SERF2: variants seen among roughly 807,000 people sequenced by gnomAD.
SERF2 encodes the protein small EDRK-rich factor 2.
Under a neutral mutation model 10.7 loss-of-function variants are expected in SERF2, and 4 were observed. The ratio of observed to expected loss-of-function variants is 0.37; its 90% CI spans 0.18 to 0.86. The LOEUF is 0.86. SERF2 is among the 40% of genes least tolerant of loss of function. SERF2 has a pLI of 0.43. For synonymous variants in SERF2, 26 were observed against 26.0 expected (o/e 1.00, Z 0.01); for missense variants, 47 against 79.1 (o/e 0.59, Z 1.54).
intron 2 of SERF2, chr15:43,785,549 T>G (rs984495644): frequency 1.5e-4 from 23 of 151,968 alleles, no homozygotes; most frequent in African/African-American, 5.6e-4. Flanking sequence ...GTACCACCAC[T>G]CCTGGCTGTT....
chr15:43,790,388 G>C (rs181623306), upstream of SERF2, among the ~76,000 whole-genome samples: 25 of 152,270 alleles, frequency 1.6e-4, no homozygotes, highest in East Asian at 4.1e-3. Context: ...GGCAGACAGG[G>C]AGAGGGAGAG....
At chr15:43,790,484 C>T (rs1244121624), upstream of SERF2, among the ~76,000 whole-genome samples, 1 of 152,102 alleles carries the variant, frequency 6.6e-6, no homozygotes, top group Non-Finnish European at 1.5e-5. Flanking sequence ...CCAATTGTGG[C>T]TGTGCACCGT....
At chr15:43,782,753 C>T (rs1194605004) in intron 1 of SERF2, among the ~76,000 whole-genome samples, 4 of 152,116 alleles carry the variant, frequency 2.6e-5, no homozygotes, top group African/African-American at 9.7e-5. Flanking sequence ...TGGTGCAAAG[C>T]CTCAAAGGAT....
At chr15:43,792,649 G>GCCCCCACTCCACAAGCCAGCCCAT in intron 1 of SERF2, 1 of 1,382,182 alleles carries the variant, frequency 7.2e-7, no homozygotes, top group Non-Finnish European at 9.5e-7. Flanking sequence ...TAGGCCCAGA[G>GCCCCCACTCCACAAGCCAGCCCAT]CCCCCACTCC....
intron 1 of SERF2, among the ~76,000 whole-genome samples, chr15:43,779,000 T>C (rs2086945210): frequency 6.6e-6 from 1 of 152,198 alleles, no homozygotes. Context: ...AGAAATAGCA[T>C]GTTCCATGTT....
In SERF2 at chr15:43,795,159, G is replaced by T. The variant is rs2087177228; in HGVS notation, c.*1386G>T. On this transcript the variant is annotated 3_prime_UTR_variant, in exon 3 of 3. Coordinates refer to ENST00000249786, the MANE Select transcript of SERF2 (RefSeq NM_001018108.4). ...CCCAGCATGAGGCAACCTTGACCCA[G>T]AAGGTGGCCCAGCTACCCTTGATGA... The T allele has an allele frequency of 1.2e-6, 2 of 1,614,164 alleles. No homozygotes were observed. The highest frequency in any genetic ancestry group is 4.5e-5 in the East Asian group (2 of 44,886).
chr15:43,793,866 G>T lies in SERF2; in HGVS notation c.*93G>T. ...GCGTTTCCTCCTGTAGTGCTCACAG[G>T]TCCCAGCACCGATGGCATTCCCTTT... On this transcript the variant is annotated 3_prime_UTR_variant, in exon 3 of 3. Transcript: ENST00000249786. 6.2e-7 allele frequency: 1 copy of T among 1,612,158 alleles called. No individual in the cohort carries two copies. Among genetic ancestry groups the T allele is most frequent in the Middle Eastern group, 1.6e-4 (1 of 6,062 alleles).
intron 2 of SERF2, among the ~76,000 whole-genome samples, chr15:43,785,957 C>T (rs1255292454): frequency 6.6e-6 from 1 of 151,734 alleles, no homozygotes; most frequent in Non-Finnish European, 1.5e-5. Flanking sequence ...CTGCCCGTCT[C>T]GGCCTCCCAA....
In SERF2 at chr15:43,795,143, A is replaced by G; in HGVS notation, c.*1370A>G. The G allele has an allele frequency of 6.2e-7, 1 of 1,614,152 alleles. No individual in the cohort carries two copies. Among genetic ancestry groups the G allele is most frequent in the South Asian group, 1.1e-5 (1 of 91,090 alleles). On this transcript the variant is annotated 3_prime_UTR_variant, in exon 3 of 3. Coordinates refer to ENST00000249786, the MANE Select transcript of SERF2 (RefSeq NM_001018108.4). ...TAGAGGAGTACGCAGGCCCAGCATG[A>G]GGCAACCTTGACCCAGAAGGTGGCC...
intron 1 of SERF2, among the ~76,000 whole-genome samples, chr15:43,780,663 C>G (rs1249290112): frequency 6.6e-6 from 1 of 152,132 alleles, no homozygotes; most frequent in African/African-American, 2.4e-5. Context: ...GTAGTCTACC[C>G]TTATCTTCAG....
At chr15:43,789,147 TA>T (rs59711546), upstream of SERF2, among the ~76,000 whole-genome samples, 21,493 of 127,410 alleles carry the variant, frequency 0.17, 1,899 homozygotes, top group East Asian at 0.28. Flanking sequence ...AGACTCTGTC[TA>T]AAAAAAAAAA....
At chr15:43,777,186 A>C (rs1253670276) in exon 1 of SERF2, 3 of 610,476 alleles carry the variant, frequency 4.9e-6, no homozygotes, top group Non-Finnish European at 9.4e-6. Context: ...AGTTCTCGGG[A>C]GAAAGAGTCC....
intron 1 of SERF2, among the ~76,000 whole-genome samples, chr15:43,784,530 G>A (rs1023903776): frequency 4.6e-5 from 7 of 151,432 alleles, no homozygotes; most frequent in Non-Finnish European, 8.8e-5. Flanking sequence ...GTGCAGTGGC[G>A]CGATCTCGGC....
At chr15:43,789,810 C>A (rs2087037697), upstream of SERF2, among the ~76,000 whole-genome samples, 1 of 151,804 alleles carries the variant, frequency 6.6e-6, no homozygotes, top group Non-Finnish European at 1.5e-5. Flanking sequence ...GAGTTCGAGA[C>A]CAGCCTGGCC....
upstream of SERF2, among the ~76,000 whole-genome samples, chr15:43,790,013 G>A (rs1184713696): frequency 2.0e-5 from 3 of 151,996 alleles, no homozygotes; most frequent in African/African-American, 7.3e-5. Context: ...GTGGTGGCAC[G>A]CACCTGTAGG....
intron 1 of SERF2, among the ~76,000 whole-genome samples, chr15:43,778,430 A>T (rs2086938896): frequency 6.6e-6 from 1 of 151,434 alleles, no homozygotes; most frequent in African/African-American, 2.4e-5. Flanking sequence ...AGTCCCAGCT[A>T]CTCAGGAGGC....
chr15:43,795,735 T>G lies in SERF2; in HGVS notation c.*1962T>G, dbSNP rs372519705. 1.9e-6 allele frequency: 3 copies of G among 1,613,950 alleles called. No individual in the cohort carries two copies. The highest frequency in any genetic ancestry group is 1.3e-5 in the African/African-American group (1 of 75,054). ...AGGGCAGCAGAAACACAGTGAGGGCTTCTGCAAAACAGAACGCAGGTTTTG... is the reference window on the plus strand; with the variant it reads ...AGGGCAGCAGAAACACAGTGAGGGCGTCTGCAAAACAGAACGCAGGTTTTG... On this transcript the variant is annotated 3_prime_UTR_variant, in exon 3 of 3. Transcript: ENST00000249786.
Position 43,777,306 on chromosome 15 carries a change from T to C in SERF2, c.-723T>C, listed in dbSNP as rs2086928236. ...AAGTGAAAGCTGAACCTGCAACCCCTTGAGGGTTTCAGCCGCAGAGGGGCG... is the reference window on the plus strand; with the variant it reads ...AAGTGAAAGCTGAACCTGCAACCCCCTGAGGGTTTCAGCCGCAGAGGGGCG... On this transcript the variant is annotated 5_prime_UTR_variant, in exon 1 of 5. Coordinates refer to the SERF2 transcript ENST00000381359. The C allele has an allele frequency of 1.1e-5, 4 of 364,588 alleles. No individual in the cohort carries two copies. In the Admixed American group the frequency reaches 1.4e-4, roughly 13 times the overall value. The allele number at this position is 364,588 out of a possible 1,614,324, so 22.6% of individuals were successfully genotyped here.
upstream of SERF2, among the ~76,000 whole-genome samples, chr15:43,789,580 C>T (rs572253992): frequency 6.6e-6 from 1 of 152,328 alleles, no homozygotes; most frequent in South Asian, 2.1e-4. Flanking sequence ...GAATTGTTCA[C>T]AGAGTCTTCA....
Sources: allele counts gnomAD v4.1 joint callset (sites outside exome capture counted in the v4.1 genomes callset), GRCh38; gene constraint gnomAD v4.1.1; transcripts MANE v1.5; gene names NCBI Gene and HGNC (gene_info 2026-07-23, HGNC 2026-07-21).